Variants in LMF1 observed in about 807,000 individuals in gnomAD.
LMF1 encodes lipase maturation factor 1.
LMF1 carries 68 observed loss-of-function variants against 60.6 expected under a neutral mutation model. The ratio of observed to expected loss-of-function variants is 1.12; its 90% CI spans 0.92 to 1.37. The LOEUF (loss-of-function observed/expected upper bound fraction) is 1.37, where lower values mean the gene tolerates loss of function less well. Among genes scored for constraint, LMF1 ranks in the 40% most tolerant of loss-of-function variants. The pLI is 0.00. For missense variants in LMF1, 948 were observed against 767.2 expected, an observed-to-expected ratio of 1.24 and a Z score of -2.78; for synonymous variants, 418 against 324.7, an observed-to-expected ratio of 1.29 and a Z score of -3.09.
chr16:886,581 T>C (rs1319327811), intron 5 of LMF1, among the ~76,000 whole-genome samples: 3 of 55,874 alleles, frequency 5.4e-5, no homozygotes, highest in Non-Finnish European at 9.3e-5. Context: ...CCCCCGGCGT[T>C]CCCCAGGCCC....
chr16:977,972 A>C, intron 1 of LMF1, among the ~76,000 whole-genome samples: 4 of 106,436 alleles, frequency 3.8e-5, no homozygotes, highest in African/African-American at 9.9e-5. Context: ...CCATACACAC[A>C]CCCCACCACA....
At chr16:921,478 G>A (rs894704484) in intron 3 of LMF1, among the ~76,000 whole-genome samples, 3 of 151,550 alleles carry the variant, frequency 2.0e-5, no homozygotes, top group Non-Finnish European at 2.9e-5. Flanking sequence ...GGAGTGTGTG[G>A]GGGCAGGGAC....
At chr16:906,582 G>A (rs1255977890) in intron 4 of LMF1, among the ~76,000 whole-genome samples, 3 of 152,074 alleles carry the variant, frequency 2.0e-5, no homozygotes, top group Non-Finnish European at 2.9e-5. Flanking sequence ...GCAACCTATC[G>A]TGGGGACTTG....
At chr16:877,034 T>G (rs1264342398) in intron 6 of LMF1, among the ~76,000 whole-genome samples, 2 of 152,158 alleles carry the variant, frequency 1.3e-5, no homozygotes, top group Non-Finnish European at 2.9e-5. Context: ...AGGAGATGCG[T>G]GTCGGTGAGG....
At chr16:875,316 C>T (rs895493512) in intron 6 of LMF1, among the ~76,000 whole-genome samples, 9 of 152,154 alleles carry the variant, frequency 5.9e-5, no homozygotes, top group Non-Finnish European at 1.3e-4. Flanking sequence ...CGCAGCCTGG[C>T]CGTCATGCTT....
At chr16:900,084 C>G (rs1485167013) in intron 4 of LMF1, 2 of 152,264 alleles carry the variant, frequency 1.3e-5, no homozygotes, top group South Asian at 4.1e-4. Context: ...GGCACTCCCC[C>G]GCACCCTTCT....
At chr16:959,932 C>A (rs1282077978) in intron 1 of LMF1, among the ~76,000 whole-genome samples, 1 of 152,178 alleles carries the variant, frequency 6.6e-6, no homozygotes, top group Non-Finnish European at 1.5e-5. Context: ...TCAGAGTCAT[C>A]GGCATGGACC....
rs370508418 is a variant in LMF1, at chr16:954,956, ATC to A, written c.194-292_194-291del. Reference sequence around the variant, plus strand: ...TGCCCGCAGCAGACGCGGTGTGTGCATCCACACACACACATATCTAAGTGAAC... The same window carrying A: ...TGCCCGCAGCAGACGCGGTGTGTGCACACACACACACATATCTAAGTGAAC... On this transcript the variant is annotated intron_variant, in intron 1 of 10. Coordinates refer to ENST00000262301, the MANE Select transcript of LMF1 (RefSeq NM_022773.4). Among the ~76,000 whole-genome samples, 500 of 58,598 alleles carry A rather than the reference ATC, an allele frequency of 8.5e-3. 24 individuals carry two copies. Among genetic ancestry groups the A allele is most frequent in the South Asian group, 0.028 (33 of 1,178 alleles). The allele number at this position is 58,598 out of a possible 152,430, so 38.4% of individuals were successfully genotyped here. A position where few individuals can be genotyped will look rare whatever the true frequency, so the allele number is the denominator to read the frequency against.
intron 10 of LMF1, among the ~76,000 whole-genome samples, chr16:864,499 GTGTAGTCTAA>G (rs1490392281): frequency 2.6e-5 from 4 of 152,186 alleles, no homozygotes; most frequent in Admixed American, 2.6e-4. Flanking sequence ...ATTTTGCCCA[GTGTAGTCTAA>G]TGTAAGTGTT....
chr16:910,018 C>T lies in LMF1; in HGVS notation c.663+913G>A, dbSNP rs573903130. On this transcript the variant is annotated intron_variant, in intron 4 of 10. Coordinates refer to ENST00000262301, the MANE Select transcript of LMF1 (RefSeq NM_022773.4). ...CAGATGCTCAGAGAGCATATCTGTACGACATGGTTTCCAACACAAAAACAT... is the reference window on the plus strand; with the variant it reads ...CAGATGCTCAGAGAGCATATCTGTATGACATGGTTTCCAACACAAAAACAT... Among the ~76,000 whole-genome samples the T allele has an allele frequency of 1.4e-4, 22 of 152,350 alleles. No individual in the cohort carries two copies. In the South Asian group the frequency reaches 2.3e-3, roughly 16 times the overall value.
At chr16:854,823 G>T in intron 10 of LMF1, 117 bp from the exon 11 acceptor site, 2 of 943,956 alleles carry the variant, frequency 2.1e-6, no homozygotes, top group Non-Finnish European at 3.3e-6. Context: ...CAGAGGGGCT[G>T]CATGAGGAGC....
intron 1 of LMF1, among the ~76,000 whole-genome samples, chr16:978,429 A>G (rs2073240339): frequency 6.6e-6 from 1 of 152,008 alleles, no homozygotes; most frequent in African/African-American, 2.4e-5. Flanking sequence ...GTGGTCTCTC[A>G]TCTGGAAGCA....
At chr16:886,301 T>C (rs536272355) in intron 5 of LMF1, among the ~76,000 whole-genome samples, 25 of 152,246 alleles carry the variant, frequency 1.6e-4, no homozygotes, top group African/African-American at 5.5e-4. Context: ...TGAGCACTGC[T>C]GACCTTGAGG....
At chr16:931,035 C>A (rs2071766952) in intron 3 of LMF1, among the ~76,000 whole-genome samples, 1 of 151,998 alleles carries the variant, frequency 6.6e-6, no homozygotes, top group Non-Finnish European at 1.5e-5. Flanking sequence ...GCAGGAGAAT[C>A]ACTTGAACCC....
At chr16:893,116 G>A (rs1372081835) in intron 4 of LMF1, 44 bp from the exon 5 acceptor site, 2 of 1,504,232 alleles carry the variant, frequency 1.3e-6, no homozygotes, top group East Asian at 2.5e-5. Flanking sequence ...CAGGGGCTGG[G>A]GATGCGGCGG....
chr16:911,855 G>A (rs934330946), intron 3 of LMF1, among the ~76,000 whole-genome samples: 7 of 152,064 alleles, frequency 4.6e-5, no homozygotes, highest in African/African-American at 7.3e-5. Context: ...TCAGCCCCTC[G>A]CAGTCCCAGG....
Position 888,179 on chromosome 16 carries a change from G to T in LMF1, c.729+4828C>A, listed in dbSNP as rs570922344. Reference sequence around the variant, plus strand: ...GGGGTGCAGGGGGTGGAGCTCAGTGGGGTACTCCTGCAGGCAGCAAGGGAA... The same window carrying T: ...GGGGTGCAGGGGGTGGAGCTCAGTGTGGTACTCCTGCAGGCAGCAAGGGAA... On this transcript the variant is annotated intron_variant, in intron 5 of 10. Transcript: ENST00000262301. 1.2e-3 allele frequency among the ~76,000 whole-genome samples: 186 copies of T among 152,300 alleles called. 1 individual carries two copies. The highest frequency in any genetic ancestry group is 4.3e-3 in the African/African-American group (179 of 41,570).
intron 1 of LMF1, among the ~76,000 whole-genome samples, chr16:955,129 CTAGA>C (rs2072653841): frequency 7.0e-6 from 1 of 142,102 alleles, no homozygotes. Context: ...TCTAAGTAAA[CTAGA>C]CAAGTTACAT....
At chr16:950,060 C>CAG (rs769736562) in intron 2 of LMF1, among the ~76,000 whole-genome samples, 148 of 103,862 alleles carry the variant, frequency 1.4e-3, no homozygotes, top group Non-Finnish European at 1.7e-3. Context: ...ACGACAGAGT[C>CAG]AGCCAACGAC....
Sources: allele counts gnomAD v4.1 joint callset (sites outside exome capture counted in the v4.1 genomes callset), GRCh38; gene constraint gnomAD v4.1.1; transcripts MANE v1.5; gene names NCBI Gene and HGNC (gene_info 2026-07-23, HGNC 2026-07-21).